Variants in RAPGEF6 observed in about 807,000 individuals in gnomAD.
The protein encoded by RAPGEF6 is PDZ domain containing guanine nucleotide exchange factor (GEF) 2.
Under a neutral mutation model 171.4 loss-of-function variants are expected in RAPGEF6, and 56 were observed. The observed-to-expected ratio is 0.33, with a 90% CI of 0.26 to 0.41. The LOEUF (loss-of-function observed/expected upper bound fraction) is 0.41. Ranked by LOEUF, RAPGEF6 falls within the 10% of genes least tolerant of loss-of-function variation. The pLI, the probability that RAPGEF6 is intolerant of heterozygous loss-of-function variation, is 1.00. For missense variants in RAPGEF6, 1,674 were observed against 1,921.4 expected (o/e 0.87, Z 2.41); for synonymous variants, 692 against 650.1 (o/e 1.06, Z -0.98).
At chr5:131,546,056 G>A (rs1760506319) in intron 6 of RAPGEF6, among the ~76,000 whole-genome samples, 1 of 152,146 alleles carries the variant, frequency 6.6e-6, no homozygotes, top group Non-Finnish European at 1.5e-5. Flanking sequence ...AATGACTCAT[G>A]AGCATGATCC....
At chr5:131,626,369 C>CA (rs1246662712) in intron 1 of RAPGEF6, among the ~76,000 whole-genome samples, 7 of 152,058 alleles carry the variant, frequency 4.6e-5, no homozygotes, top group Admixed American at 2.0e-4. Flanking sequence ...CCATAAAAGG[C>CA]AATTTTTGCA....
chr5:131,608,593 C>T lies in RAPGEF6; in HGVS notation c.70-3900G>A, dbSNP rs114783619. On this transcript the variant is annotated intron_variant, in intron 1 of 27. Transcript: ENST00000509018. ...TGGTTTGTCCCTGCCAAAACTCATG[C>T]TAAAATTTGATCCCCAATGTAGCAG... Among the ~76,000 whole-genome samples, 239 of 152,274 alleles carry T rather than the reference C, an allele frequency of 1.6e-3. 1 individual carries two copies. The highest frequency in any genetic ancestry group is 5.6e-3 in the African/African-American group (231 of 41,548).
At chr5:131,486,726 A>ATTTT (rs5871425) in intron 15 of RAPGEF6, among the ~76,000 whole-genome samples, 23 of 127,262 alleles carry the variant, frequency 1.8e-4, no homozygotes, top group African/African-American at 3.5e-4. Context: ...CAAGGGATAA[A>ATTTT]TTTTTTTTTT....
chr5:131,502,130 T>C (rs558373167), intron 11 of RAPGEF6, among the ~76,000 whole-genome samples: 1 of 152,286 alleles, frequency 6.6e-6, no homozygotes, highest in South Asian at 2.1e-4. Context: ...CTGGGACAAT[T>C]TGAGGATCAG....
At chr5:131,618,754 A>C (rs1269817707) in intron 1 of RAPGEF6, among the ~76,000 whole-genome samples, 1 of 152,260 alleles carries the variant, frequency 6.6e-6, no homozygotes, top group African/African-American at 2.4e-5. Context: ...AGAACACGAC[A>C]TTCACACATT....
chr5:131,437,017 A>G (rs1752052802), intron 24 of RAPGEF6, among the ~76,000 whole-genome samples: 2 of 152,210 alleles, frequency 1.3e-5, no homozygotes, highest in South Asian at 4.1e-4. Context: ...TCCAAGTTTA[A>G]TAAGAACCAG....
At chr5:131,521,186 A>G (rs1758450168) in intron 7 of RAPGEF6, among the ~76,000 whole-genome samples, 1 of 152,232 alleles carries the variant, frequency 6.6e-6, no homozygotes, top group South Asian at 2.1e-4. Flanking sequence ...ACTCTGCTGA[A>G]CCATACTTAA....
chr5:131,515,452 C>T (rs1447565180), intron 7 of RAPGEF6, among the ~76,000 whole-genome samples: 1 of 152,140 alleles, frequency 6.6e-6, no homozygotes, highest in African/African-American at 2.4e-5. Context: ...TTGGTTTCTA[C>T]TTTCAAATAT....
intron 17 of RAPGEF6, among the ~76,000 whole-genome samples, chr5:131,470,192 G>GT (rs1241039041): frequency 6.6e-6 from 1 of 152,104 alleles, no homozygotes; most frequent in Non-Finnish European, 1.5e-5. Context: ...TATCATATAT[G>GT]TGTTCACATT....
At chr5:131,435,803 C>T in intron 24 of RAPGEF6, 5 of 1,363,636 alleles carry the variant, frequency 3.7e-6, no homozygotes, top group Non-Finnish European at 4.8e-6. Context: ...AGTAAAATAA[C>T]TTATGTACAA....
At chr5:131,572,594 C>T (rs991936450) in intron 4 of RAPGEF6, among the ~76,000 whole-genome samples, 1 of 152,138 alleles carries the variant, frequency 6.6e-6, no homozygotes, top group African/African-American at 2.4e-5. Flanking sequence ...GCTGATCATG[C>T]CTGCTTTGGC....
intron 16 of RAPGEF6, among the ~76,000 whole-genome samples, chr5:131,478,384 T>C (rs1755250187): frequency 6.6e-6 from 1 of 152,214 alleles, no homozygotes; most frequent in South Asian, 2.1e-4. Context: ...AACACAGCCA[T>C]CAGAGAGGTC....
Position 131,635,031 on chromosome 5 carries a change from G to A in RAPGEF6, c.-1C>T, listed in dbSNP as rs146490941. ...CGCCAGGGTCCACGGGTGAGTTCAT[G>A]GCCACGGCCCGGGTACTCCGCAGCC... is the stretch of plus-strand genomic sequence containing the variant. On this transcript the variant is annotated 5_prime_UTR_variant, in exon 1 of 28. Coordinates refer to ENST00000509018, the MANE Select transcript of RAPGEF6 (RefSeq NM_016340.6). The A allele has an allele frequency of 1.5e-4, 245 of 1,606,184 alleles. No homozygotes were observed. In the African/African-American group the frequency reaches 2.8e-3, roughly 19 times the overall value.
chr5:131,524,583 G>C (rs1163185331), intron 6 of RAPGEF6, among the ~76,000 whole-genome samples: 1 of 141,748 alleles, frequency 7.1e-6, no homozygotes, highest in Non-Finnish European at 1.5e-5. Flanking sequence ...AGGAGAGAGA[G>C]GGAGAGGGAG....
intron 1 of RAPGEF6, among the ~76,000 whole-genome samples, chr5:131,631,069 T>A (rs1216708189): frequency 6.6e-6 from 1 of 152,254 alleles, no homozygotes; most frequent in Non-Finnish European, 1.5e-5. Flanking sequence ...GACCTTATAC[T>A]GATCTCATGT....
rs1394647563 is a variant in RAPGEF6 at position 131,424,125 on chromosome 5, T to G, written c.*3141A>C. 6.6e-6 allele frequency: 1 copy of G among 152,370 alleles called. No individual in the cohort carries two copies. Among genetic ancestry groups the G allele is most frequent in the Non-Finnish European group, 1.5e-5 (1 of 68,028 alleles). The allele number at this position is 152,370 out of a possible 1,614,324, so 9.4% of individuals were successfully genotyped here. On this transcript the variant is annotated 3_prime_UTR_variant, in exon 28 of 28. Coordinates refer to ENST00000509018, the MANE Select transcript of RAPGEF6 (RefSeq NM_016340.6). Reference sequence around the variant, plus strand: ...GAGACAAACATTGCTTGTTACAGGATACCTTACAATCAATGAATTGTGCAG... The same window carrying G: ...GAGACAAACATTGCTTGTTACAGGAGACCTTACAATCAATGAATTGTGCAG...
chr5:131,623,569 T>A (rs1765723341), intron 1 of RAPGEF6, among the ~76,000 whole-genome samples: 1 of 138,290 alleles, frequency 7.2e-6, no homozygotes, highest in African/African-American at 2.7e-5. Context: ...CACCGCAACC[T>A]CCGCCTCTAG....
At chr5:131,626,465 CCAT>C (rs755811957) in intron 1 of RAPGEF6, among the ~76,000 whole-genome samples, 6 of 151,856 alleles carry the variant, frequency 4.0e-5, no homozygotes, top group Non-Finnish European at 7.4e-5. Flanking sequence ...ACATGGCTTG[CCAT>C]CATCAGTACT....
chr5:131,530,509 T>C (rs140825522), intron 6 of RAPGEF6, among the ~76,000 whole-genome samples: 39 of 152,146 alleles, frequency 2.6e-4, no homozygotes, highest in African/African-American at 8.7e-4. Context: ...ACCAGTAAAA[T>C]GTACTGGAAA....
Sources: allele counts gnomAD v4.1 joint callset (sites outside exome capture counted in the v4.1 genomes callset), GRCh38; gene constraint gnomAD v4.1.1; transcripts MANE v1.5; gene names NCBI Gene and HGNC (gene_info 2026-07-23, HGNC 2026-07-21).